Variants in DNAJC1 observed in about 807,000 individuals in gnomAD.
DNAJC1 encodes the protein dnaJ homolog subfamily C member 1.
DNAJC1 carries 58 observed loss-of-function variants against 76.6 expected under a neutral mutation model. That is an observed-to-expected ratio of 0.76 (90% CI 0.61 to 0.94). DNAJC1 has a LOEUF of 0.94. DNAJC1 is among the 40% of genes least tolerant of loss of function. DNAJC1 has a pLI of 0.00. For missense variants in DNAJC1, 689 were observed against 677.3 expected, an observed-to-expected ratio of 1.02 and a Z score of -0.19; for synonymous variants, 258 against 267.9, an observed-to-expected ratio of 0.96 and a Z score of 0.36.
At chr10:21,919,703 A>G (rs1371505030) in intron 5 of DNAJC1, 129 bp downstream of exon 5, 2 of 576,946 alleles carry the variant, frequency 3.5e-6, no homozygotes, top group African/African-American at 1.9e-5. Context: ...GCACATTATT[A>G]GTCTTTTATA....
intron 3 of DNAJC1, 126 bp from the exon 4 acceptor site, chr10:21,921,089 T>C: frequency 2.5e-6 from 2 of 799,798 alleles, no homozygotes; most frequent in South Asian, 2.2e-5. Flanking sequence ...TTTATGTACG[T>C]TCCCAGCATT....
chr10:21,895,134 G>A (rs1483216681), intron 7 of DNAJC1, among the ~76,000 whole-genome samples: 2 of 152,218 alleles, frequency 1.3e-5, no homozygotes, highest in Non-Finnish European at 2.9e-5. Context: ...CTTTGAAATT[G>A]GGTAATGGGT....
At chr10:21,857,012 A>G (rs576389933) in intron 8 of DNAJC1, among the ~76,000 whole-genome samples, 1 of 152,312 alleles carries the variant, frequency 6.6e-6, no homozygotes, top group South Asian at 2.1e-4. Context: ...CTAGGATTAC[A>G]GGCACATGCC....
At chr10:21,864,522 T>C (rs1005986488) in intron 8 of DNAJC1, among the ~76,000 whole-genome samples, 12 of 152,060 alleles carry the variant, frequency 7.9e-5, no homozygotes, top group African/African-American at 2.9e-4. Flanking sequence ...CTCGGCAGGC[T>C]GAGGCAGGAG....
intron 8 of DNAJC1, among the ~76,000 whole-genome samples, chr10:21,881,013 C>T (rs1245265046): frequency 6.6e-6 from 1 of 152,236 alleles, no homozygotes; most frequent in African/African-American, 2.4e-5. Flanking sequence ...GCTGCAGCTT[C>T]TCCATAGCAC....
chr10:21,834,286 A>T (rs1233860972), intron 8 of DNAJC1, among the ~76,000 whole-genome samples: 1 of 152,062 alleles, frequency 6.6e-6, no homozygotes, highest in Non-Finnish European at 1.5e-5. Context: ...GAAAGAAAGA[A>T]AGAGGGGCTC....
chr10:21,822,835 A>G lies in DNAJC1; in HGVS notation c.979-16736T>C, dbSNP rs544153511. On this transcript the variant is annotated intron_variant, in intron 8 of 11. Transcript: ENST00000376980. ...AGTCATGACAAGGCTTGAAAATTCT[A>G]AAGATCAGGATAAGTGATTTTTATC... 2.0e-5 allele frequency among the ~76,000 whole-genome samples: 3 copies of G among 152,070 alleles called. No individual in the cohort carries two copies. The East Asian group carries it at 5.8e-4, about 29-fold the overall frequency.
intron 1 of DNAJC1, among the ~76,000 whole-genome samples, chr10:22,000,528 C>T (rs983529274): frequency 5.3e-5 from 8 of 152,346 alleles, no homozygotes; most frequent in South Asian, 2.1e-4. Flanking sequence ...CCTTGCTATT[C>T]CTCAAACGCT....
intron 1 of DNAJC1, among the ~76,000 whole-genome samples, chr10:21,969,796 A>G (rs867273719): frequency 6.6e-6 from 1 of 152,176 alleles, no homozygotes; most frequent in Non-Finnish European, 1.5e-5. Context: ...GATTGGTATT[A>G]TATCTCAAGA....
chr10:21,769,205 C>T (rs1834343164), intron 9 of DNAJC1, among the ~76,000 whole-genome samples: 2 of 152,156 alleles, frequency 1.3e-5, no homozygotes, highest in Non-Finnish European at 2.9e-5. Flanking sequence ...AATGATTAAC[C>T]TAGGTCTCTG....
intron 8 of DNAJC1, among the ~76,000 whole-genome samples, chr10:21,843,031 T>C (rs1182952014): frequency 1.3e-5 from 2 of 152,124 alleles, no homozygotes; most frequent in South Asian, 4.1e-4. Flanking sequence ...GAAAAGAGTA[T>C]CGATATTGAA....
intron 8 of DNAJC1, among the ~76,000 whole-genome samples, chr10:21,842,893 C>A (rs895213680): frequency 2.6e-5 from 4 of 152,168 alleles, no homozygotes; most frequent in Non-Finnish European, 4.4e-5. Context: ...ATATAAACTT[C>A]ATGAGAGCAG....
chr10:21,771,205 A>C (rs1169770015), intron 9 of DNAJC1, among the ~76,000 whole-genome samples: 1 of 152,206 alleles, frequency 6.6e-6, no homozygotes, highest in Admixed American at 6.5e-5. Flanking sequence ...GCATTTCTCA[A>C]GATTTTCTAT....
At chr10:21,838,947 C>G (rs1835521369) in intron 8 of DNAJC1, among the ~76,000 whole-genome samples, 1 of 152,194 alleles carries the variant, frequency 6.6e-6, no homozygotes, top group South Asian at 2.1e-4. Flanking sequence ...TTAAGAAACT[C>G]ACTCAAAACC....
intron 10 of DNAJC1, 63 bp downstream of exon 10, chr10:21,766,197 TA>T: frequency 8.4e-7 from 1 of 1,194,510 alleles, no homozygotes; most frequent in Non-Finnish European, 1.2e-6. Flanking sequence ...GAAGTTATTA[TA>T]AAAAGGGATT....
At chr10:21,934,445 C>T (rs1837279160) in intron 1 of DNAJC1, among the ~76,000 whole-genome samples, 1 of 152,138 alleles carries the variant, frequency 6.6e-6, no homozygotes, top group South Asian at 2.1e-4. Flanking sequence ...AGTGTTTATA[C>T]TATAGTGTAC....
chr10:21,933,226 T>C (rs992441676), intron 1 of DNAJC1: 1 of 152,334 alleles, frequency 6.6e-6, no homozygotes, highest in Non-Finnish European at 1.5e-5. Context: ...GCTAGGCGGG[T>C]GTCCCCTTCT....
intron 3 of DNAJC1, among the ~76,000 whole-genome samples, chr10:21,924,058 A>C (rs1339972969): frequency 6.6e-6 from 1 of 152,068 alleles, no homozygotes; most frequent in Admixed American, 6.5e-5. Context: ...CTTAGGTCAC[A>C]TTTTGAAACT....
intron 10 of DNAJC1, among the ~76,000 whole-genome samples, chr10:21,765,768 T>G (rs947588414): frequency 4.6e-5 from 7 of 151,928 alleles, no homozygotes; most frequent in African/African-American, 1.7e-4. Context: ...CACTTGAACC[T>G]GGGAGGCAGA....
Sources: gnomAD v4.1 joint callset for allele counts (sites outside exome capture counted in the v4.1 genomes callset) on GRCh38, gnomAD v4.1.1 for gene constraint, MANE v1.5 for transcripts, NCBI Gene and HGNC (gene_info 2026-07-23, HGNC 2026-07-21) for gene names.